GPC5: variants seen among roughly 807,000 people sequenced by gnomAD.
GPC5 encodes glypican-5.
In GPC5, 47 loss-of-function variants were observed where a neutral mutation model predicts 53.9. That is an observed-to-expected ratio of 0.87 (90% CI 0.69 to 1.11). The LOEUF is 1.11. GPC5 is among the 50% of genes most tolerant of loss of function. GPC5 has a pLI of 0.00. For missense variants in GPC5, 748 were observed against 713.1 expected (o/e 1.05, Z -0.56); for synonymous variants, 286 against 263.3 (o/e 1.09, Z -0.84).
intron 5 of GPC5, among the ~76,000 whole-genome samples, chr13:91,801,002 C>T (rs1024232794): frequency 2.6e-5 from 4 of 151,972 alleles, no homozygotes; most frequent in African/African-American, 4.8e-5. Context: ...TTATTCAAGG[C>T]TTAGACAATC....
intron 5 of GPC5, among the ~76,000 whole-genome samples, chr13:91,781,096 A>G (rs2037791063): frequency 1.3e-5 from 2 of 152,212 alleles, no homozygotes; most frequent in South Asian, 4.1e-4. Context: ...GCTGTGGCCT[A>G]CAAGCTGAGG....
At chr13:92,525,065 A>AT (rs1270052322) in intron 7 of GPC5, among the ~76,000 whole-genome samples, 10 of 152,194 alleles carry the variant, frequency 6.6e-5, no homozygotes, top group African/African-American at 2.4e-4. Flanking sequence ...AATGCAAGTG[A>AT]TTATTAAAGC....
chr13:91,773,428 TA>T (rs1295017898), intron 5 of GPC5, among the ~76,000 whole-genome samples: 2 of 152,164 alleles, frequency 1.3e-5, no homozygotes, highest in African/African-American at 4.8e-5. Context: ...GTATCAGTCA[TA>T]TCTGTTCTTA....
At chr13:91,916,140 A>G (rs1423406776) in intron 6 of GPC5, among the ~76,000 whole-genome samples, 1 of 152,204 alleles carries the variant, frequency 6.6e-6, no homozygotes, top group Non-Finnish European at 1.5e-5. Flanking sequence ...TATAATAAAA[A>G]TGACAGGTAA....
Position 92,185,549 on chromosome 13 carries a change from G to A in GPC5, c.1561+40560G>A, listed in dbSNP as rs535976470. Among the ~76,000 whole-genome samples the A allele has an allele frequency of 2.0e-4, 30 of 151,996 alleles. No homozygotes were observed. In the South Asian group the frequency reaches 6.2e-3, roughly 32 times the overall value. On this transcript the variant is annotated intron_variant, in intron 7 of 7. Transcript: ENST00000377067. ...CCTTTTCACCACAATAAGAAGAAAT[G>A]AATTTTTTTTTTCAACTTCACAGAG...
chr13:92,324,942 T>C (rs2043240447), intron 7 of GPC5, among the ~76,000 whole-genome samples: 1 of 151,872 alleles, frequency 6.6e-6, no homozygotes, highest in South Asian at 2.1e-4. Context: ...AAAACAAATC[T>C]GAAAAAATTA....
chr13:91,934,771 C>A (rs758535481), intron 6 of GPC5, among the ~76,000 whole-genome samples: 3 of 151,876 alleles, frequency 2.0e-5, no homozygotes, highest in Non-Finnish European at 4.4e-5. Flanking sequence ...GCAGAGGCAA[C>A]GGGACCCCAG....
At chr13:91,460,813 A>G (rs1881883174) in intron 2 of GPC5, among the ~76,000 whole-genome samples, 1 of 152,048 alleles carries the variant, frequency 6.6e-6, no homozygotes, top group African/African-American at 2.4e-5. Context: ...TGAAAATATT[A>G]CACCATCATC....
At chr13:91,567,293 G>A (rs188183542) in intron 2 of GPC5, among the ~76,000 whole-genome samples, 1 of 152,216 alleles carries the variant, frequency 6.6e-6, no homozygotes, top group East Asian at 1.9e-4. Flanking sequence ...TGAGTATGCA[G>A]GTGTAGTATG....
intron 7 of GPC5, among the ~76,000 whole-genome samples, chr13:92,329,902 T>C (rs906022402): frequency 2.6e-5 from 4 of 152,190 alleles, no homozygotes; most frequent in Admixed American, 2.6e-4. Context: ...AAGCAAATTG[T>C]GCTCTCCATA....
At position 92,078,296 on chromosome 13, in the gene GPC5, T is replaced by C. The variant is rs2041268759; in HGVS notation, c.1402-66534T>C. 3.3e-5 allele frequency among the ~76,000 whole-genome samples: 5 copies of C among 152,188 alleles called. No homozygotes were observed. In the South Asian group the frequency reaches 1.0e-3, roughly 31 times the overall value. On this transcript the variant is annotated intron_variant, in intron 6 of 7. Coordinates refer to ENST00000377067, the MANE Select transcript of GPC5 (RefSeq NM_004466.6). ...TCAAAAAGCAGTAAAACACCTTTAT[T>C]CTGAGCGCCATTTTAAACTTTTAAG... is the stretch of plus-strand genomic sequence containing the variant.
chr13:92,327,032 C>T (rs2043256961), intron 7 of GPC5, among the ~76,000 whole-genome samples: 1 of 152,074 alleles, frequency 6.6e-6, no homozygotes. Context: ...TCAGGGTTCT[C>T]TTTGTTCACT....
chr13:91,572,127 GTATATACACATA>G (rs1277200835), intron 2 of GPC5, among the ~76,000 whole-genome samples: 5 of 138,432 alleles, frequency 3.6e-5, no homozygotes, highest in Non-Finnish European at 6.3e-5. Flanking sequence ...ATATACGTGT[GTATATACACATA>G]TGTATATATA....
At chr13:92,632,898 T>C (rs1204109866) in intron 7 of GPC5, among the ~76,000 whole-genome samples, 1 of 152,018 alleles carries the variant, frequency 6.6e-6, no homozygotes, top group Non-Finnish European at 1.5e-5. Flanking sequence ...GTTTGTTTTG[T>C]TTTGTTTTTT....
At chr13:91,613,748 G>A (rs1372595214) in intron 2 of GPC5, among the ~76,000 whole-genome samples, 1 of 152,086 alleles carries the variant, frequency 6.6e-6, no homozygotes, top group East Asian at 1.9e-4. Flanking sequence ...TGTAGGTTTT[G>A]GATTTAAGGA....
At chr13:91,938,917 T>C (rs1055973823) in intron 6 of GPC5, among the ~76,000 whole-genome samples, 16 of 152,102 alleles carry the variant, frequency 1.1e-4, no homozygotes, top group Admixed American at 1.0e-3. Flanking sequence ...AAAAAGAATA[T>C]CTTTATACTG....
chr13:91,490,797 G>T (rs1255947570), intron 2 of GPC5, among the ~76,000 whole-genome samples: 2 of 152,108 alleles, frequency 1.3e-5, no homozygotes, highest in East Asian at 3.9e-4. Flanking sequence ...CTTCTTTGCT[G>T]CTTCTTCTTG....
At chr13:92,213,077 T>C (rs1187631861) in intron 7 of GPC5, among the ~76,000 whole-genome samples, 1 of 152,180 alleles carries the variant, frequency 6.6e-6, no homozygotes, top group African/African-American at 2.4e-5. Context: ...TGCTCTCCTC[T>C]GCAACAGCCC....
chr13:92,050,006 G>C (rs1415815613), intron 6 of GPC5, among the ~76,000 whole-genome samples: 1 of 152,044 alleles, frequency 6.6e-6, no homozygotes, highest in Non-Finnish European at 1.5e-5. Context: ...CAGAAAACTT[G>C]TCTTCCTGGA....
Sources: allele counts gnomAD v4.1 joint callset (sites outside exome capture counted in the v4.1 genomes callset), GRCh38; gene constraint gnomAD v4.1.1; transcripts MANE v1.5; gene names NCBI Gene and HGNC (gene_info 2026-07-23, HGNC 2026-07-21).